Variants in CADM3 observed in about 807,000 individuals in gnomAD.
CADM3 encodes the protein cell adhesion molecule 3, also known as TSLC1-like 1.
A neutral mutation model predicts 44.9 loss-of-function variants in CADM3; 11 were observed. That is an observed-to-expected ratio of 0.25 (90% CI 0.15 to 0.41). The LOEUF (loss-of-function observed/expected upper bound fraction) is 0.41, where lower values mean the gene tolerates loss of function less well. Ranked by LOEUF, CADM3 falls within the 10% of genes least tolerant of loss-of-function variation. The pLI, the probability that CADM3 is intolerant of heterozygous loss-of-function variation, is 1.00. For missense variants in CADM3, 426 were observed against 512.0 expected, an observed-to-expected ratio of 0.83 and a Z score of 1.62; for synonymous variants, 207 against 205.2, an observed-to-expected ratio of 1.01 and a Z score of -0.08.
chr1:159,180,747 A>G (rs931716842), intron 1 of CADM3, among the ~76,000 whole-genome samples: 1 of 152,194 alleles, frequency 6.6e-6, no homozygotes, highest in Non-Finnish European at 1.5e-5. Flanking sequence ...GACTCTGATC[A>G]TCCAGTGAAG....
chr1:159,174,201 A>G lies in CADM3; in HGVS notation c.88+2348A>G, dbSNP rs34719488. On this transcript the variant is annotated intron_variant, in intron 1 of 8. Transcript: ENST00000368125. ...GCAGTATCTCAGGACACACTGATGCATGAGACATAACCACCATATCTTCTG... is the reference window on the plus strand; with the variant it reads ...GCAGTATCTCAGGACACACTGATGCGTGAGACATAACCACCATATCTTCTG... Among the ~76,000 whole-genome samples, 560 of 152,376 alleles carry G rather than the reference A, an allele frequency of 3.7e-3. 2 individuals are homozygous for G. Among genetic ancestry groups the G allele is most frequent in the African/African-American group, 0.013 (545 of 41,586 alleles).
chr1:159,189,082 T>C (rs560810946), intron 1 of CADM3, among the ~76,000 whole-genome samples: 1 of 152,208 alleles, frequency 6.6e-6, no homozygotes, highest in African/African-American at 2.4e-5. Flanking sequence ...TGGGAAGACA[T>C]GGTACAACTT....
chr1:159,172,621 C>T (rs944472313), intron 1 of CADM3, among the ~76,000 whole-genome samples: 1 of 152,108 alleles, frequency 6.6e-6, no homozygotes, highest in Non-Finnish European at 1.5e-5. Context: ...GAGGAGGATG[C>T]ATGAGAAACC....
intron 1 of CADM3, among the ~76,000 whole-genome samples, chr1:159,181,083 A>G (rs1649214360): frequency 6.6e-6 from 1 of 152,146 alleles, no homozygotes; most frequent in South Asian, 2.1e-4. Context: ...TTTCTGGCCC[A>G]TTCCCAGTCT....
At chr1:159,200,465 G>A (rs1268648224) in intron 8 of CADM3, among the ~76,000 whole-genome samples, 8 of 151,804 alleles carry the variant, frequency 5.3e-5, no homozygotes, top group South Asian at 4.2e-4. Flanking sequence ...CAGATCCCCC[G>A]TCACCAAGTT....
chr1:159,171,806 T>A lies in CADM3; in HGVS notation c.41T>A (p.Leu14Gln). The A allele has an allele frequency of 1.6e-6, 2 of 1,247,954 alleles. No individual in the cohort carries two copies. Among genetic ancestry groups the A allele is most frequent in the African/African-American group, 1.5e-5 (1 of 65,066 alleles). 77.3% of individuals were successfully genotyped at this position (1,247,954 alleles called of 1,614,324 possible). A position where few individuals can be genotyped will look rare whatever the true frequency, so the allele number is the denominator to read the frequency against. Reference protein sequence around the residue: ...PAASLLLLLLLFACCWAPGGA... With the variant: ...PAASLLLLLLQFACCWAPGGA... The stretch of plus-strand genomic sequence containing the variant: ...GCCTCGCTCCTGCTCCTGCTCCTGC[T>A]GTTCGCCTGCTGCTGGGCGCCCGGC... The change falls in exon 1 of 9, where the codon CTG becomes CAG. Residue 14 changes from leucine to glutamine, a missense_variant. By Grantham distance (113) the Leu-to-Gln change is moderately radical. Coordinates refer to ENST00000368125, the MANE Select transcript of CADM3 (RefSeq NM_001127173.3).
chr1:159,200,853 G>C lies in CADM3; in HGVS notation c.1128G>C (p.Ala376=), dbSNP rs754449030. Residue 376 remains alanine (A), a synonymous_variant, in exon 9 of 9, where the codon GCG becomes GCC. Coordinates refer to ENST00000368125, the MANE Select transcript of CADM3 (RefSeq NM_001127173.3). ...EAKGSDDAPD[A]DTAIINAEGG... ...AAGGCTCCGACGATGCTCCAGACGC[G>C]GACACGGCCATCATCAATGCAGAAG... 1.2e-6 allele frequency: 2 copies of C among 1,611,296 alleles called. No individual in the cohort carries two copies. Among genetic ancestry groups the C allele is most frequent in the Non-Finnish European group, 1.7e-6 (2 of 1,178,556 alleles).
At chr1:159,196,306 A>T in intron 5 of CADM3, 58 bp from the exon 6 acceptor site, 1 of 1,365,314 alleles carries the variant, frequency 7.3e-7, no homozygotes. Flanking sequence ...CAACTAAGTG[A>T]GGGAATCTCC....
At chr1:159,194,625 A>G (rs1387135952) in intron 5 of CADM3, 1 of 152,260 alleles carries the variant, frequency 6.6e-6, no homozygotes, top group Non-Finnish European at 1.5e-5. Flanking sequence ...ATTTCAAGAA[A>G]ATATGGGTGG....
intron 7 of CADM3, among the ~76,000 whole-genome samples, chr1:159,198,661 G>A (rs569068313): frequency 5.9e-5 from 9 of 152,160 alleles, no homozygotes; most frequent in Non-Finnish European, 8.8e-5. Context: ...CTGAGTCCAT[G>A]GAAAACAGCA....
intron 1 of CADM3, among the ~76,000 whole-genome samples, chr1:159,177,664 G>A (rs1355649448): frequency 6.6e-6 from 1 of 152,088 alleles, no homozygotes; most frequent in Non-Finnish European, 1.5e-5. Flanking sequence ...ACAAAACTCT[G>A]AGATATAGAT....
intron 1 of CADM3, among the ~76,000 whole-genome samples, chr1:159,185,997 G>A (rs141556934): frequency 4.2e-4 from 64 of 152,294 alleles, no homozygotes; most frequent in Middle Eastern, 3.4e-3. Context: ...CAGAGAAGTG[G>A]GGAATTATTT....
At chr1:159,175,413 C>T (rs1436495975) in intron 1 of CADM3, among the ~76,000 whole-genome samples, 2 of 152,226 alleles carry the variant, frequency 1.3e-5, no homozygotes, top group African/African-American at 2.4e-5. Flanking sequence ...CTATTCTAAG[C>T]TTCTCCATAG....
intron 1 of CADM3, among the ~76,000 whole-genome samples, chr1:159,186,487 G>C (rs1649423508): frequency 6.6e-6 from 1 of 152,154 alleles, no homozygotes; most frequent in Admixed American, 6.5e-5. Context: ...CACCCATTCA[G>C]AGTACTCCTA....
chr1:159,196,502 G>T, intron 6 of CADM3, 48 bp downstream of exon 6: 1 of 1,493,528 alleles, frequency 6.7e-7, no homozygotes. Flanking sequence ...CACATTCTCA[G>T]ATTGCCTTCT....
rs1378761051 is a variant in CADM3 at position 159,201,751 on chromosome 1, C to G, written c.*829C>G. On this transcript the variant is annotated 3_prime_UTR_variant, in exon 9 of 9. Transcript: ENST00000368125. ...GAGATAGCAGAGTGTGGCTGCCCCT[C>G]CTTGCTCCAGCAGCAGTGGGAGAGG... 1 of 152,576 alleles carries G rather than the reference C, an allele frequency of 6.6e-6. No individual in the cohort carries two copies. The allele number at this position is 152,576 out of a possible 1,614,324, so 9.5% of individuals were successfully genotyped here.
chr1:159,172,112 T>C (rs1648834907), intron 1 of CADM3, among the ~76,000 whole-genome samples: 1 of 152,112 alleles, frequency 6.6e-6, no homozygotes, highest in Admixed American at 6.5e-5. Context: ...TCGGGGCTGA[T>C]GTCCGTTAGG....
chr1:159,173,619 G>C (rs1428711474), intron 1 of CADM3, among the ~76,000 whole-genome samples: 2 of 152,136 alleles, frequency 1.3e-5, no homozygotes, highest in Non-Finnish European at 2.9e-5. Flanking sequence ...CGACAGAGAG[G>C]CTGCTGGGTG....
At chr1:159,173,479 GC>G in intron 1 of CADM3, among the ~76,000 whole-genome samples, 1 of 152,114 alleles carries the variant, frequency 6.6e-6, no homozygotes, top group East Asian at 1.9e-4. Flanking sequence ...GGGAGTTCCC[GC>G]CCTAGTCACC....
Sources: gnomAD v4.1 joint callset for allele counts (sites outside exome capture counted in the v4.1 genomes callset) on GRCh38, gnomAD v4.1.1 for gene constraint, MANE v1.5 for transcripts, NCBI Gene and HGNC (gene_info 2026-07-23, HGNC 2026-07-21) for gene names.